SEMA6D: variants seen among roughly 807,000 people sequenced by gnomAD.
SEMA6D encodes the protein semaphorin-6D.
In SEMA6D, 35 loss-of-function variants were observed where a neutral mutation model predicts 106.6. That is an observed-to-expected ratio of 0.33 (90% CI 0.25 to 0.44). The LOEUF (loss-of-function observed/expected upper bound fraction) is 0.44. Among genes scored for constraint, SEMA6D ranks in the 20% least tolerant of loss-of-function variants. SEMA6D has a pLI of 1.00. For synonymous variants in SEMA6D, 499 were observed against 487.7 expected (o/e 1.02, Z -0.31); for missense variants, 1,185 against 1,345.9 (o/e 0.88, Z 1.87).
chr15:47,231,798 A>C (rs1003758149), intron 1 of SEMA6D, among the ~76,000 whole-genome samples: 3 of 152,038 alleles, frequency 2.0e-5, no homozygotes, highest in African/African-American at 2.4e-5. Context: ...CATAGGCTAA[A>C]CAGAAATTAT....
intron 1 of SEMA6D, among the ~76,000 whole-genome samples, chr15:47,240,989 A>G (rs1164629104): frequency 6.6e-6 from 1 of 152,188 alleles, no homozygotes; most frequent in Non-Finnish European, 1.5e-5. Flanking sequence ...TCTGAAATGC[A>G]GGTTAGATGT....
intron 1 of SEMA6D, among the ~76,000 whole-genome samples, chr15:47,184,685 C>G (rs965081793): frequency 6.6e-6 from 1 of 152,106 alleles, no homozygotes; most frequent in African/African-American, 2.4e-5. Context: ...TTGCCCGATC[C>G]CGGAGCTGTG....
intron 1 of SEMA6D, among the ~76,000 whole-genome samples, chr15:47,324,770 A>G (rs565641342): frequency 1.2e-4 from 18 of 151,734 alleles, no homozygotes; most frequent in African/African-American, 4.3e-4. Context: ...ATAGTAATGT[A>G]CGCTATTATA....
At chr15:47,439,562 T>G (rs2041822717) in intron 2 of SEMA6D, among the ~76,000 whole-genome samples, 1 of 152,152 alleles carries the variant, frequency 6.6e-6, no homozygotes, top group Non-Finnish European at 1.5e-5. Flanking sequence ...CTGCACAATA[T>G]CCTCTGGGCC....
intron 1 of SEMA6D, among the ~76,000 whole-genome samples, chr15:47,737,746 C>T (rs1457558566): frequency 6.6e-6 from 1 of 151,950 alleles, no homozygotes; most frequent in African/African-American, 2.4e-5. Flanking sequence ...TTTTTTCCTT[C>T]CTACTTTAGA....
intron 3 of SEMA6D, among the ~76,000 whole-genome samples, chr15:47,483,270 A>G (rs189434987): frequency 4.6e-5 from 7 of 152,288 alleles, no homozygotes; most frequent in Admixed American, 2.0e-4. Flanking sequence ...CTCACTAGCC[A>G]TAGACCCTTC....
At chr15:47,425,703 C>T (rs1343520905) in intron 2 of SEMA6D, among the ~76,000 whole-genome samples, 2 of 148,646 alleles carry the variant, frequency 1.3e-5, no homozygotes, top group East Asian at 2.0e-4. Context: ...CAGAGTTTCA[C>T]TCTGTTACCC....
At chr15:47,185,534 A>G (rs1167846091) in intron 1 of SEMA6D, 1 of 151,570 alleles carries the variant, frequency 6.6e-6, no homozygotes, top group Non-Finnish European at 1.5e-5. Context: ...CATTTATTCC[A>G]TTTGTGCCTT....
intron 1 of SEMA6D, chr15:47,360,034 T>C (rs898397693): frequency 6.6e-6 from 1 of 152,148 alleles, no homozygotes; most frequent in Non-Finnish European, 1.5e-5. Flanking sequence ...GAGTTTCTTT[T>C]TTCTTCTTTT....
chr15:47,448,324 C>G (rs1312387798), intron 2 of SEMA6D, among the ~76,000 whole-genome samples: 1 of 152,036 alleles, frequency 6.6e-6, no homozygotes, highest in African/African-American at 2.4e-5. Context: ...TCAGTATGAC[C>G]TGGGCACAGC....
At chr15:47,289,576 G>T (rs1052595060) in intron 1 of SEMA6D, among the ~76,000 whole-genome samples, 2 of 152,024 alleles carry the variant, frequency 1.3e-5, no homozygotes, top group Non-Finnish European at 2.9e-5. Flanking sequence ...AGCAAGAGTG[G>T]TTGTGAAATG....
chr15:47,487,754 C>G (rs2043339819), intron 3 of SEMA6D, among the ~76,000 whole-genome samples: 1 of 152,204 alleles, frequency 6.6e-6, no homozygotes, highest in Admixed American at 6.5e-5. Context: ...CACTGACCAT[C>G]CTTACAGATG....
intron 1 of SEMA6D, among the ~76,000 whole-genome samples, chr15:47,217,091 G>C (rs62017401): frequency 0.014 from 2,170 of 152,198 alleles, 45 homozygotes; most frequent in African/African-American, 0.05. Flanking sequence ...ACCTGAATCT[G>C]CCTGGACCTT....
chr15:47,409,415 A>G (rs1451781038), intron 1 of SEMA6D, among the ~76,000 whole-genome samples: 1 of 152,230 alleles, frequency 6.6e-6, no homozygotes, highest in East Asian at 1.9e-4. Context: ...TTGGTGGATG[A>G]GTTGGAAATT....
chr15:47,661,258 T>A (rs2077912275), intron 4 of SEMA6D, among the ~76,000 whole-genome samples: 1 of 152,228 alleles, frequency 6.6e-6, no homozygotes, highest in Non-Finnish European at 1.5e-5. Context: ...CTGTTGTAAA[T>A]GCCTCCTTTT....
At chr15:47,556,683 TC>T (rs1257131550) in intron 3 of SEMA6D, among the ~76,000 whole-genome samples, 1 of 152,122 alleles carries the variant, frequency 6.6e-6, no homozygotes, top group Non-Finnish European at 1.5e-5. Context: ...TTATGCAAAG[TC>T]CCTTTTCCCT....
chr15:47,567,546 C>G (rs2046263099), intron 3 of SEMA6D, among the ~76,000 whole-genome samples: 1 of 152,160 alleles, frequency 6.6e-6, no homozygotes, highest in African/African-American at 2.4e-5. Context: ...AGTTCTTTCC[C>G]TCTCTTCATT....
At chr15:47,442,639 G>A (rs908066415) in intron 2 of SEMA6D, among the ~76,000 whole-genome samples, 1 of 152,056 alleles carries the variant, frequency 6.6e-6, no homozygotes, top group Non-Finnish European at 1.5e-5. Context: ...TGTTGACATT[G>A]TTTGGGTTAC....
intron 1 of SEMA6D, among the ~76,000 whole-genome samples, chr15:47,270,990 A>T (rs1384844375): frequency 6.6e-6 from 1 of 152,166 alleles, no homozygotes; most frequent in African/African-American, 2.4e-5. Context: ...GACATCTAAT[A>T]CCTCACTCCA....
Sources: gnomAD v4.1 joint callset for allele counts (sites outside exome capture counted in the v4.1 genomes callset) on GRCh38, gnomAD v4.1.1 for gene constraint, MANE v1.5 for transcripts, NCBI Gene and HGNC (gene_info 2026-07-23, HGNC 2026-07-21) for gene names.